Variants in ACO1 observed in about 807,000 individuals in gnomAD.
ACO1 encodes the protein cytoplasmic aconitate hydratase.
ACO1 carries 78 observed loss-of-function variants against 105.1 expected under a neutral mutation model. The observed-to-expected ratio is 0.74, with a 90% CI of 0.62 to 0.90. The LOEUF (loss-of-function observed/expected upper bound fraction) is 0.90. ACO1 is among the 40% of genes least tolerant of loss of function. ACO1 has a pLI of 0.00. For missense variants in ACO1, 965 were observed against 1,111.1 expected (o/e 0.87, Z 1.87); for synonymous variants, 364 against 397.4 (o/e 0.92, Z 1.00).
intron 1 of ACO1, among the ~76,000 whole-genome samples, chr9:32,389,764 G>A (rs1037553592): frequency 2.7e-5 from 4 of 147,952 alleles, no homozygotes; most frequent in African/African-American, 1.0e-4. Flanking sequence ...CAACGACTGT[G>A]AACAGTGATA....
At chr9:32,438,616 CAT>C (rs1258691747) in intron 18 of ACO1, among the ~76,000 whole-genome samples, 2 of 152,080 alleles carry the variant, frequency 1.3e-5, no homozygotes, top group African/African-American at 2.4e-5. Context: ...ACAGGAAAAA[CAT>C]AGAAAAAATG....
At chr9:32,421,072 C>T (rs1375746065) in intron 8 of ACO1, 45 bp downstream of exon 8, 1 of 1,586,118 alleles carries the variant, frequency 6.3e-7, no homozygotes, top group African/African-American at 1.3e-5. Context: ...GTAAAAGTTC[C>T]ATGAAACACC....
chr9:32,447,349 G>C (rs1255355560), intron 19 of ACO1, among the ~76,000 whole-genome samples: 1 of 151,898 alleles, frequency 6.6e-6, no homozygotes, highest in Non-Finnish European at 1.5e-5. Context: ...TCTTCCACTT[G>C]ATCAATTCAG....
At chr9:32,436,170 T>C (rs1291734574) in intron 17 of ACO1, 80 bp from the exon 18 acceptor site, 1 of 1,581,568 alleles carries the variant, frequency 6.3e-7, no homozygotes, top group Admixed American at 1.7e-5. Context: ...TTTGTTTTGT[T>C]TTTTTCTTTT....
intron 1 of ACO1, among the ~76,000 whole-genome samples, chr9:32,386,211 T>C (rs1372653041): frequency 6.6e-6 from 1 of 152,132 alleles, no homozygotes; most frequent in South Asian, 2.1e-4. Flanking sequence ...CCTGTGAGAG[T>C]TACCAAGTAG....
At chr9:32,436,063 CCTCT>C (rs1043369345) in intron 17 of ACO1, 183 bp from the exon 18 acceptor site, 3 of 753,846 alleles carry the variant, frequency 4.0e-6, no homozygotes, top group Non-Finnish European at 6.9e-6. Context: ...CCCCTTCTCA[CCTCT>C]CTCTCTTCTC....
At chr9:32,436,437 G>C (rs1275921734) in intron 18 of ACO1, 40 bp downstream of exon 18, 2 of 1,604,850 alleles carry the variant, frequency 1.2e-6, no homozygotes, top group Non-Finnish European at 1.7e-6. Flanking sequence ...ACTAGCATTT[G>C]TCAGCCTTGG....
intron 19 of ACO1, among the ~76,000 whole-genome samples, chr9:32,444,595 A>G (rs1015344244): frequency 2.0e-5 from 3 of 151,822 alleles, no homozygotes; most frequent in African/African-American, 7.2e-5. Flanking sequence ...GCATTTTTTC[A>G]TATGTTTGTT....
intron 1 of ACO1, among the ~76,000 whole-genome samples, chr9:32,395,898 G>A (rs13302577): frequency 0.28 from 42,862 of 152,206 alleles, 6,882 homozygotes; most frequent in Non-Finnish European, 0.36. Flanking sequence ...TAGAGGATGT[G>A]TTAAGTCTTT....
At position 32,450,570 on chromosome 9, in the gene ACO1, T is replaced by C. The variant is rs1563952435; in HGVS notation, c.*459T>C. The C allele has an allele frequency of 4.1e-6, 1 of 241,204 alleles. No individual in the cohort carries two copies. The highest frequency in any genetic ancestry group is 8.2e-6 in the Non-Finnish European group (1 of 121,230). The allele number at this position is 241,204 out of a possible 1,614,324, so 14.9% of individuals were successfully genotyped here. On this transcript the variant is annotated 3_prime_UTR_variant, in exon 21 of 21. Coordinates refer to ENST00000309951, the MANE Select transcript of ACO1 (RefSeq NM_002197.3). ...TTAATTATACCAGTGTTAAGTGACA[T>C]AGATAAGAACTTTGCACACTTCAAA... is the stretch of plus-strand genomic sequence containing the variant.
chr9:32,427,548 T>G, intron 12 of ACO1, 112 bp downstream of exon 12: 1 of 1,439,522 alleles, frequency 6.9e-7, no homozygotes, highest in South Asian at 1.3e-5. Flanking sequence ...TCTAATTGCA[T>G]AGTCGTTTAT....
At chr9:32,431,613 C>A in intron 14 of ACO1, 106 bp from the exon 15 acceptor site, 2 of 1,247,506 alleles carry the variant, frequency 1.6e-6, no homozygotes, top group Non-Finnish European at 2.3e-6. Flanking sequence ...AGTGTTCACA[C>A]GGGCTTTATA....
intron 17 of ACO1, 145 bp from the exon 18 acceptor site, chr9:32,436,105 G>T: frequency 9.0e-7 from 1 of 1,108,260 alleles, no homozygotes; most frequent in Non-Finnish European, 1.3e-6. Flanking sequence ...CAGCTTTTCT[G>T]CCATGGAGAA....
intron 20 of ACO1, among the ~76,000 whole-genome samples, chr9:32,449,438 C>T (rs1822705272): frequency 6.6e-6 from 1 of 152,126 alleles, no homozygotes; most frequent in South Asian, 2.1e-4. Context: ...CTCACCCCTC[C>T]CTAAGCCTGC....
intron 15 of ACO1, 152 bp downstream of exon 15, chr9:32,431,995 A>G: frequency 1.0e-6 from 1 of 955,118 alleles, no homozygotes; most frequent in Non-Finnish European, 1.5e-6. Flanking sequence ...GTTCTCCGTC[A>G]TTTTTCTCCT....
At chr9:32,425,067 T>C (rs1314084536) in intron 10 of ACO1, among the ~76,000 whole-genome samples, 1 of 152,260 alleles carries the variant, frequency 6.6e-6, no homozygotes, top group African/African-American at 2.4e-5. Flanking sequence ...CAGAATCTCA[T>C]AGCAGAAAGT....
intron 1 of ACO1, among the ~76,000 whole-genome samples, chr9:32,389,074 A>G (rs1384686865): frequency 6.6e-6 from 1 of 152,222 alleles, no homozygotes; most frequent in African/African-American, 2.4e-5. Context: ...ATACTAGTTC[A>G]AAGTGTTCCT....
At chr9:32,436,209 T>A in intron 17 of ACO1, 41 bp from the exon 18 acceptor site, 1 of 1,613,180 alleles carries the variant, frequency 6.2e-7, no homozygotes, top group East Asian at 2.2e-5. Flanking sequence ...TAATCTTTGC[T>A]TGCTTCACTA....
chr9:32,423,463 A>AG, intron 9 of ACO1, 44 bp downstream of exon 9: 1 of 1,345,468 alleles, frequency 7.4e-7, no homozygotes, highest in Non-Finnish European at 1.0e-6. Context: ...CTCTTCCTCA[A>AG]GGCTGCGATT....
Sources: gnomAD v4.1 joint callset for allele counts (sites outside exome capture counted in the v4.1 genomes callset) on GRCh38, gnomAD v4.1.1 for gene constraint, MANE v1.5 for transcripts, NCBI Gene and HGNC (gene_info 2026-07-23, HGNC 2026-07-21) for gene names.